Variants in FOXP2 observed in about 807,000 individuals in gnomAD.
FOXP2 encodes forkhead box protein P2.
A neutral mutation model predicts 115.8 loss-of-function variants in FOXP2; 12 were observed. The ratio of observed to expected loss-of-function variants is 0.10; its 90% CI spans 0.07 to 0.17. The LOEUF (loss-of-function observed/expected upper bound fraction) is 0.17, where lower values mean the gene tolerates loss of function less well. Among genes scored for constraint, FOXP2 ranks in the 10% least tolerant of loss-of-function variants. FOXP2 has a pLI of 1.00. For missense variants in FOXP2, 629 were observed against 843.5 expected (o/e 0.75, Z 3.15); for synonymous variants, 328 against 297.7 (o/e 1.10, Z -1.05).
At chr7:114,447,623 C>T (rs1393282606) in intron 2 of FOXP2, among the ~76,000 whole-genome samples, 1 of 152,124 alleles carries the variant, frequency 6.6e-6, no homozygotes, top group East Asian at 1.9e-4. Context: ...ACATTTTACT[C>T]CTATCTCCCA....
intron 1 of FOXP2, among the ~76,000 whole-genome samples, chr7:114,167,813 G>A (rs1793022453): frequency 6.6e-6 from 1 of 151,864 alleles, no homozygotes; most frequent in Admixed American, 6.6e-5. Context: ...GCGGGTGCCT[G>A]TAGTCCCAGC....
chr7:114,349,426 T>C (rs948190524), intron 2 of FOXP2, among the ~76,000 whole-genome samples: 2 of 152,090 alleles, frequency 1.3e-5, no homozygotes, highest in African/African-American at 2.4e-5. Flanking sequence ...AACCAAGGAA[T>C]TGGTGAAGGA....
In FOXP2 at chr7:114,673,693, T is replaced by C. The variant is rs570111869; in HGVS notation, c.2003+9257T>C. On this transcript the variant is annotated intron_variant, in intron 16 of 16. Transcript: ENST00000350908. ...TTTACCCACCTTTTTGTTGTTTCTT[T>C]GGACTGATACTGACTTTTTTTTTGA... Among the ~76,000 whole-genome samples, 18 of 152,210 alleles carry C rather than the reference T, an allele frequency of 1.2e-4. No homozygotes were observed. The East Asian group carries it at 3.5e-3, about 29-fold the overall frequency.
At chr7:114,611,628 A>G (rs894742372) in intron 3 of FOXP2, among the ~76,000 whole-genome samples, 3 of 152,192 alleles carry the variant, frequency 2.0e-5, no homozygotes, top group African/African-American at 7.2e-5. Context: ...GCTTAAAATA[A>G]CTACAGGAAG....
At chr7:114,297,889 T>C (rs1248162188) in intron 2 of FOXP2, among the ~76,000 whole-genome samples, 2 of 152,208 alleles carry the variant, frequency 1.3e-5, no homozygotes, top group African/African-American at 4.8e-5. Flanking sequence ...CCAATATTTT[T>C]AAAATAATGC....
intron 3 of FOXP2, among the ~76,000 whole-genome samples, chr7:114,577,855 T>C (rs35335680): frequency 0.081 from 12,285 of 151,916 alleles, 1,030 homozygotes; most frequent in East Asian, 0.23. Context: ...AGAAACGTCA[T>C]CATAAGAGAT....
At position 114,471,725 on chromosome 7, in the gene FOXP2, G is replaced by A. The variant is rs544649801; in HGVS notation, c.168+45046G>A. On this transcript the variant is annotated intron_variant, in intron 2 of 16. Coordinates refer to ENST00000350908, the MANE Select transcript of FOXP2 (RefSeq NM_014491.4). ...AGCACTTTGGGAGGCCGAGGCGGGC[G>A]GATCACCTAAGGTCAGGAATTTGAG... 9.4e-4 allele frequency among the ~76,000 whole-genome samples: 143 copies of A among 151,712 alleles called. 1 individual carries two copies. Among genetic ancestry groups the A allele is most frequent in the Middle Eastern group, 3.4e-3 (1 of 294 alleles).
rs536021365 is a variant in FOXP2, at chr7:114,582,478, C to T, written c.259-46062C>T. 1.5e-3 allele frequency among the ~76,000 whole-genome samples: 229 copies of T among 152,176 alleles called. 2 individuals carry two copies. Among genetic ancestry groups the T allele is most frequent in the African/African-American group, 5.3e-3 (219 of 41,510 alleles). ...CTAGATGTGACAGCTTTACTCTCAC[C>T]ATATTTGTTATATTTGATGATATTA... On this transcript the variant is annotated intron_variant, in intron 3 of 16. Coordinates refer to ENST00000350908, the MANE Select transcript of FOXP2 (RefSeq NM_014491.4).
In FOXP2 at chr7:114,389,771, C is replaced by G. The variant is rs373473349; in HGVS notation, c.-10-36731C>G. Among the ~76,000 whole-genome samples, 58 of 152,166 alleles carry G rather than the reference C, an allele frequency of 3.8e-4. 1 individual carries two copies. The highest frequency in any genetic ancestry group is 1.3e-3 in the African/African-American group (54 of 41,526). ...GGGCGCAGTGGCTCATGCCTGTAAT[C>G]CCAGCACTTTGGGAGGCCGAGGTGG... On this transcript the variant is annotated intron_variant, in intron 2 of 17. Transcript: ENST00000634411.
At chr7:114,427,852 A>G (rs1793927427) in intron 2 of FOXP2, among the ~76,000 whole-genome samples, 1 of 151,690 alleles carries the variant, frequency 6.6e-6, no homozygotes, top group African/African-American at 2.4e-5. Flanking sequence ...AATCTTTTAT[A>G]AGAGCTACAT....
chr7:114,464,745 A>C (rs1584768768), intron 2 of FOXP2, among the ~76,000 whole-genome samples: 1 of 152,246 alleles, frequency 6.6e-6, no homozygotes, highest in East Asian at 1.9e-4. Context: ...ATTCATGGCT[A>C]TATGGTAGTC....
chr7:114,652,906 T>C (rs1368924080), intron 9 of FOXP2, among the ~76,000 whole-genome samples: 1 of 152,114 alleles, frequency 6.6e-6, no homozygotes, highest in African/African-American at 2.4e-5. Flanking sequence ...TGAAACAGAA[T>C]TTGGCCAGAA....
At chr7:114,400,136 G>A (rs946035598) in intron 2 of FOXP2, among the ~76,000 whole-genome samples, 6 of 152,110 alleles carry the variant, frequency 3.9e-5, no homozygotes, top group Non-Finnish European at 7.4e-5. Flanking sequence ...AGGATTACAG[G>A]TGTGAGCCAC....
intron 8 of FOXP2, among the ~76,000 whole-genome samples, chr7:114,647,829 G>A (rs758059175): frequency 1.3e-5 from 2 of 152,000 alleles, no homozygotes; most frequent in Non-Finnish European, 2.9e-5. Flanking sequence ...AAGCCAAAAG[G>A]TTTACAATAT....
chr7:114,691,475 T>A lies in FOXP2; in HGVS notation c.*1549T>A. 2.2e-6 allele frequency: 1 copy of A among 453,982 alleles called. No homozygotes were observed. Among genetic ancestry groups the A allele is most frequent in the Non-Finnish European group, 4.4e-6 (1 of 226,764 alleles). The allele number at this position is 453,982 out of a possible 1,614,324, so 28.1% of individuals were successfully genotyped here. On this transcript the variant is annotated 3_prime_UTR_variant, in exon 17 of 17. Transcript: ENST00000350908. The stretch of plus-strand genomic sequence containing the variant: ...CGGGATATTAACACTAACAATACAC[T>A]CCCTTCAAAGACTTGCACAGGCCAA...
rs546929172 is a variant in FOXP2 at position 114,224,409 on chromosome 7, G to A, written c.-102+61321G>A. Reference sequence around the variant, plus strand: ...ATTAATGAACACTTTATTCCTCTCCGTTATTAATACTTTCAATAATATTTA... The same window carrying A: ...ATTAATGAACACTTTATTCCTCTCCATTATTAATACTTTCAATAATATTTA... On this transcript the variant is annotated intron_variant, in intron 1 of 17. Coordinates refer to the FOXP2 transcript ENST00000634411. Among the ~76,000 whole-genome samples, 37 of 152,058 alleles carry A rather than the reference G, an allele frequency of 2.4e-4. 1 individual carries two copies. The South Asian group carries it at 6.0e-3, about 25-fold the overall frequency.
chr7:114,550,524 C>T (rs918734784), intron 3 of FOXP2, among the ~76,000 whole-genome samples: 2 of 152,166 alleles, frequency 1.3e-5, no homozygotes, highest in African/African-American at 4.8e-5. Flanking sequence ...AACAAAAAAT[C>T]AGCCCACTGT....
chr7:114,666,418 G>A (rs1027332936), intron 16 of FOXP2: 2 of 151,992 alleles, frequency 1.3e-5, no homozygotes, highest in South Asian at 4.1e-4. Context: ...AAATATTTCA[G>A]TATTCTCTAT....
At chr7:114,504,508 A>G (rs1284381935) in intron 2 of FOXP2, among the ~76,000 whole-genome samples, 4 of 151,708 alleles carry the variant, frequency 2.6e-5, no homozygotes, top group Non-Finnish European at 4.4e-5. Context: ...AAATAGTTCC[A>G]GTATATTTTA....
Sources: gnomAD v4.1 joint callset for allele counts (sites outside exome capture counted in the v4.1 genomes callset) on GRCh38, gnomAD v4.1.1 for gene constraint, MANE v1.5 for transcripts, NCBI Gene and HGNC (gene_info 2026-07-23, HGNC 2026-07-21) for gene names.